The following SNTG1 variants were observed in gnomAD, a reference collection of about 807,000 sequenced individuals.
The protein encoded by SNTG1 is syntrophin gamma 1, also known as gamma-1-syntrophin.
SNTG1 carries 39 observed loss-of-function variants against 74.7 expected under a neutral mutation model. The ratio of observed to expected loss-of-function variants is 0.52; its 90% CI spans 0.40 to 0.68. The LOEUF is 0.68. SNTG1 is among the 30% of genes least tolerant of loss of function. The pLI, the probability that SNTG1 is intolerant of heterozygous loss-of-function variation, is 0.00. For synonymous variants in SNTG1, 254 were observed against 217.1 expected (o/e 1.17, Z -1.49); for missense variants, 685 against 609.5 (o/e 1.12, Z -1.30).
chr8:50,134,721 G>A (rs911875693), intron 1 of SNTG1, among the ~76,000 whole-genome samples: 1 of 151,980 alleles, frequency 6.6e-6, no homozygotes, highest in East Asian at 1.9e-4. Flanking sequence ...AAAAATAGTT[G>A]AGCGGTTATA....
At chr8:50,434,999 G>T (rs2093286097) in intron 4 of SNTG1, among the ~76,000 whole-genome samples, 1 of 151,222 alleles carries the variant, frequency 6.6e-6, no homozygotes, top group African/African-American at 2.4e-5. Flanking sequence ...ACTTTTTTTT[G>T]GTGTCATGTA....
intron 15 of SNTG1, among the ~76,000 whole-genome samples, chr8:50,667,135 T>C (rs1350339743): frequency 2.0e-5 from 3 of 152,040 alleles, no homozygotes; most frequent in African/African-American, 7.2e-5. Flanking sequence ...ATACATGATA[T>C]AAGAGTATAT....
chr8:50,154,440 C>T (rs866927711), intron 1 of SNTG1, among the ~76,000 whole-genome samples: 44 of 152,094 alleles, frequency 2.9e-4, no homozygotes, highest in African/African-American at 1.0e-3. Flanking sequence ...CACTGTCCTA[C>T]CCCCACTGTC....
At chr8:49,981,682 G>A (rs1585757580) in intron 1 of SNTG1, among the ~76,000 whole-genome samples, 1 of 152,000 alleles carries the variant, frequency 6.6e-6, no homozygotes. Context: ...ATCATTTTCA[G>A]GTGGTCAATA....
At chr8:50,302,484 T>C (rs1160795) in intron 2 of SNTG1, among the ~76,000 whole-genome samples, 90,091 of 152,008 alleles carry the variant, frequency 0.59, 29,340 homozygotes, top group East Asian at 0.85. Flanking sequence ...CCAGTATCCA[T>C]GATCATCCCT....
intron 1 of SNTG1, among the ~76,000 whole-genome samples, chr8:50,116,064 G>A (rs1357978889): frequency 6.6e-6 from 1 of 152,060 alleles, no homozygotes; most frequent in East Asian, 1.9e-4. Context: ...ACTTTTTGAA[G>A]ATCTTTCATA....
At chr8:50,759,986 T>C (rs1585725517) in intron 18 of SNTG1, among the ~76,000 whole-genome samples, 1 of 152,206 alleles carries the variant, frequency 6.6e-6, no homozygotes, top group East Asian at 1.9e-4. Context: ...GCATGGAATG[T>C]TTTCCCATTT....
intron 2 of SNTG1, among the ~76,000 whole-genome samples, chr8:50,184,864 T>A (rs2131737396): frequency 6.6e-6 from 1 of 152,346 alleles, no homozygotes; most frequent in South Asian, 2.1e-4. Flanking sequence ...TTTTGTGGTA[T>A]TTAAGTATTA....
intron 11 of SNTG1, among the ~76,000 whole-genome samples, chr8:50,549,669 G>C (rs984455099): frequency 1.2e-4 from 18 of 152,044 alleles, no homozygotes; most frequent in African/African-American, 4.1e-4. Context: ...CCAACTTCAT[G>C]GATTGCCTCT....
intron 12 of SNTG1, among the ~76,000 whole-genome samples, chr8:50,556,733 A>G (rs2094457721): frequency 6.6e-6 from 1 of 152,180 alleles, no homozygotes; most frequent in Admixed American, 6.5e-5. Flanking sequence ...GGTTAGTAAG[A>G]TGCACCTCCG....
chr8:50,253,843 TG>T, intron 2 of SNTG1, among the ~76,000 whole-genome samples: 1 of 150,706 alleles, frequency 6.6e-6, no homozygotes, highest in Middle Eastern at 3.4e-3. Flanking sequence ...TCTCATTCCA[TG>T]TAGAATCTAA....
At chr8:50,164,926 T>A (rs2082560159) in intron 1 of SNTG1, among the ~76,000 whole-genome samples, 2 of 152,234 alleles carry the variant, frequency 1.3e-5, no homozygotes, top group Non-Finnish European at 2.9e-5. Context: ...AGTCATCCCT[T>A]ATTTATAGGT....
intron 1 of SNTG1, among the ~76,000 whole-genome samples, chr8:50,086,087 C>G (rs1222204004): frequency 6.6e-6 from 1 of 152,050 alleles, no homozygotes; most frequent in African/African-American, 2.4e-5. Context: ...TCCATACAAG[C>G]TTTCATGATT....
intron 1 of SNTG1, among the ~76,000 whole-genome samples, chr8:50,027,879 T>G (rs1177195565): frequency 6.6e-6 from 1 of 152,184 alleles, no homozygotes; most frequent in African/African-American, 2.4e-5. Context: ...TGATTAATCA[T>G]TTTTAATCTT....
intron 1 of SNTG1, among the ~76,000 whole-genome samples, chr8:50,081,090 A>G (rs891702513): frequency 6.6e-6 from 1 of 152,140 alleles, no homozygotes; most frequent in Non-Finnish European, 1.5e-5. Context: ...CATTTATAGA[A>G]TCTTTCATGT....
chr8:50,151,607 T>C (rs1004747606), intron 1 of SNTG1, among the ~76,000 whole-genome samples: 1 of 152,136 alleles, frequency 6.6e-6, no homozygotes, highest in African/African-American at 2.4e-5. Flanking sequence ...CTGGTATGTT[T>C]TGTCTTTGTT....
intron 11 of SNTG1, among the ~76,000 whole-genome samples, chr8:50,548,362 A>AT (rs2094402566): frequency 6.6e-6 from 1 of 152,198 alleles, no homozygotes; most frequent in Non-Finnish European, 1.5e-5. Flanking sequence ...AAGATCAGAA[A>AT]AATAATAAGG....
chr8:50,100,235 AAATAGAGTAG>A (rs1245862506), intron 1 of SNTG1, among the ~76,000 whole-genome samples: 1 of 152,106 alleles, frequency 6.6e-6, no homozygotes, highest in Non-Finnish European at 1.5e-5. Context: ...AAGTAGAGTA[AAATAGAGTAG>A]AATAGTGGTT....
intron 17 of SNTG1, among the ~76,000 whole-genome samples, chr8:50,725,030 T>C (rs76742566): frequency 6.6e-6 from 1 of 152,158 alleles, no homozygotes; most frequent in East Asian, 1.9e-4. Context: ...ATAAATATCA[T>C]TCGGCTCACT....
Sources: allele counts gnomAD v4.1 joint callset (sites outside exome capture counted in the v4.1 genomes callset), GRCh38; gene constraint gnomAD v4.1.1; transcripts MANE v1.5; gene names NCBI Gene and HGNC (gene_info 2026-07-23, HGNC 2026-07-21).